The following SRGAP2 variants were observed in gnomAD, a reference collection of about 807,000 sequenced individuals.
SRGAP2 encodes the protein SLIT-ROBO Rho GTPase activating protein 2.
A neutral mutation model predicts 57.2 loss-of-function variants in SRGAP2; 15 were observed. That is an observed-to-expected ratio of 0.26 (90% CI 0.18 to 0.40). SRGAP2 has a LOEUF of 0.40. Among genes scored for constraint, SRGAP2 ranks in the 10% least tolerant of loss-of-function variants. SRGAP2 has a pLI of 1.00. For missense variants in SRGAP2, 520 were observed against 669.6 expected (o/e 0.78, Z 2.47); for synonymous variants, 249 against 248.0 (o/e 1.00, Z -0.04).
At chr1:206,389,409 C>T (rs1656688751) in intron 5 of SRGAP2, among the ~76,000 whole-genome samples, 1 of 152,190 alleles carries the variant, frequency 6.6e-6, no homozygotes, top group African/African-American at 2.4e-5. Flanking sequence ...AATCTCCTGA[C>T]CTCGTGATCC....
In SRGAP2 at chr1:206,237,298, GA is replaced by G. The variant is rs1229140520; in HGVS notation, c.67+31269del. On this transcript the variant is annotated intron_variant, in intron 2 of 22. Transcript: ENST00000573034. ...GAGTGAGACCCTGTCTCAGAGGGGG[GA>G]AAAAAAAGTGAATGTACACGTATTC... Among the ~76,000 whole-genome samples the G allele has an allele frequency of 1.5e-3, 226 of 151,872 alleles. 2 individuals carry two copies. The highest frequency in any genetic ancestry group is 4.7e-3 in the African/African-American group (195 of 41,422).
intron 2 of SRGAP2, among the ~76,000 whole-genome samples, chr1:206,267,123 C>T (rs1360511811): frequency 1.1e-4 from 16 of 152,076 alleles, no homozygotes; most frequent in African/African-American, 3.9e-4. Context: ...CGCCCACCAC[C>T]ACGCCGGGCT....
intron 2 of SRGAP2, among the ~76,000 whole-genome samples, chr1:206,280,048 T>G (rs1335785129): frequency 1.3e-5 from 2 of 151,172 alleles, no homozygotes; most frequent in Non-Finnish European, 2.9e-5. Flanking sequence ...GTTGGTGTGG[T>G]TTTTCAAGGA....
chr1:206,232,254 G>C (rs2102520755), intron 2 of SRGAP2, among the ~76,000 whole-genome samples: 1 of 152,300 alleles, frequency 6.6e-6, no homozygotes, highest in East Asian at 1.9e-4. Flanking sequence ...GAAGCAAGTA[G>C]ACAGAACACT....
intron 4 of SRGAP2, among the ~76,000 whole-genome samples, chr1:206,353,280 C>T (rs1398577593): frequency 1.3e-5 from 2 of 152,168 alleles, no homozygotes; most frequent in African/African-American, 4.8e-5. Context: ...TTCAGTCCCA[C>T]AGCTTGTTAA....
At chr1:206,300,837 C>T (rs1418057075) in intron 2 of SRGAP2, among the ~76,000 whole-genome samples, 5 of 149,724 alleles carry the variant, frequency 3.3e-5, no homozygotes, top group South Asian at 2.2e-4. Flanking sequence ...CTTTTTTTGG[C>T]AGAGGGTGGG....
At chr1:206,236,326 T>C (rs1276564618) in intron 2 of SRGAP2, among the ~76,000 whole-genome samples, 3 of 152,260 alleles carry the variant, frequency 2.0e-5, no homozygotes, top group Non-Finnish European at 4.4e-5. Context: ...CCGAAATGTA[T>C]TAGACTGACT....
intron 2 of SRGAP2, among the ~76,000 whole-genome samples, chr1:206,277,089 C>G (rs1166964906): frequency 6.6e-6 from 1 of 151,986 alleles, no homozygotes; most frequent in African/African-American, 2.4e-5. Flanking sequence ...GTCAGCCTCC[C>G]GAGTAGCTGG....
intron 2 of SRGAP2, among the ~76,000 whole-genome samples, chr1:206,287,289 A>G (rs1162574364): frequency 6.6e-6 from 1 of 150,796 alleles, no homozygotes; most frequent in Non-Finnish European, 1.5e-5. Context: ...TACCTGTTAG[A>G]TGGCTATGAG....
intron 2 of SRGAP2, among the ~76,000 whole-genome samples, chr1:206,217,988 C>T (rs1666758378): frequency 1.3e-5 from 2 of 151,778 alleles, no homozygotes; most frequent in Non-Finnish European, 2.9e-5. Context: ...TTCCAGCTTT[C>T]AGGGTTCATG....
chr1:206,341,221 T>G (rs1675161803), intron 3 of SRGAP2, among the ~76,000 whole-genome samples: 1 of 152,236 alleles, frequency 6.6e-6, no homozygotes, highest in Non-Finnish European at 1.5e-5. Context: ...TGGCCTTTAG[T>G]GCTGAATGGA....
At chr1:206,443,812 G>A (rs1553372912) in intron 17 of SRGAP2, among the ~76,000 whole-genome samples, 2 of 152,258 alleles carry the variant, frequency 1.3e-5, no homozygotes, top group African/African-American at 4.8e-5. Flanking sequence ...ATTTATATGC[G>A]CACATATGTG....
chr1:206,254,198 G>T (rs368394857), intron 2 of SRGAP2, among the ~76,000 whole-genome samples: 2 of 59,872 alleles, frequency 3.3e-5, no homozygotes, highest in Non-Finnish European at 6.0e-5. Context: ...TTTTTTTTTG[G>T]AGGGGGTTCA....
intron 16 of SRGAP2, among the ~76,000 whole-genome samples, chr1:206,438,563 T>G (rs1392812724): frequency 1.3e-5 from 2 of 152,234 alleles, no homozygotes; most frequent in Non-Finnish European, 2.9e-5. Flanking sequence ...AAAGTAGTAA[T>G]AGGATATTTT....
intron 6 of SRGAP2, 47 bp from the exon 7 acceptor site, chr1:206,393,498 C>A: frequency 1.3e-6 from 1 of 754,366 alleles, no homozygotes; most frequent in South Asian, 1.5e-5. Flanking sequence ...AGAACAAGCC[C>A]CCCTTAAAAA....
At chr1:206,357,976 G>GT (rs1166777725) in intron 4 of SRGAP2, among the ~76,000 whole-genome samples, 2 of 145,918 alleles carry the variant, frequency 1.4e-5, no homozygotes, top group Admixed American at 6.9e-5. Context: ...GAAATCACTT[G>GT]TTTTTAGGAT....
intron 17 of SRGAP2, among the ~76,000 whole-genome samples, chr1:206,441,727 G>A (rs1295895464): frequency 6.6e-6 from 1 of 152,178 alleles, no homozygotes; most frequent in Non-Finnish European, 1.5e-5. Context: ...TAGATCTGGT[G>A]ATACTGACTC....
chr1:206,262,300 T>G (rs1669602987), intron 2 of SRGAP2, among the ~76,000 whole-genome samples: 1 of 149,978 alleles, frequency 6.7e-6, no homozygotes, highest in Non-Finnish European at 1.5e-5. Flanking sequence ...ATGCAGTGTT[T>G]TTGTTTTTTT....
chr1:206,324,578 A>G (rs1329897226), intron 3 of SRGAP2, among the ~76,000 whole-genome samples: 1 of 151,920 alleles, frequency 6.6e-6, no homozygotes, highest in East Asian at 1.9e-4. Flanking sequence ...GGGGTGCACA[A>G]TTGTGCCAGT....
Sources: allele counts gnomAD v4.1 joint callset (sites outside exome capture counted in the v4.1 genomes callset), GRCh38; gene constraint gnomAD v4.1.1; transcripts MANE v1.5; gene names NCBI Gene and HGNC (gene_info 2026-07-23, HGNC 2026-07-21).